Variants in CHM observed in about 807,000 individuals in gnomAD.
CHM encodes the protein rab proteins geranylgeranyltransferase component A 1.
A neutral mutation model predicts 49.0 loss-of-function variants in CHM; 10 were observed. The ratio of observed to expected loss-of-function variants is 0.20; its 90% CI spans 0.13 to 0.35. The LOEUF (loss-of-function observed/expected upper bound fraction) is 0.35, where lower values mean the gene tolerates loss of function less well. Ranked by LOEUF, CHM falls within the 10% of genes least tolerant of loss-of-function variation. CHM has a pLI of 1.00. For synonymous variants in CHM, 184 were observed against 167.5 expected (o/e 1.10, Z -0.76); for missense variants, 455 against 478.4 (o/e 0.95, Z 0.46).
chrX:86,002,457 CCT>C (rs762975293), intron 2 of CHM, among the ~76,000 whole-genome samples: 8 of 111,977 alleles, frequency 7.1e-5, no homozygotes, highest in Non-Finnish European at 1.5e-4. Context: ...AATAGGAACA[CCT>C]CTGGTCTGCA....
At chrX:86,007,634 C>A (rs751328263) in intron 2 of CHM, among the ~76,000 whole-genome samples, 2 of 112,322 alleles carry the variant, frequency 1.8e-5, no homozygotes, top group Non-Finnish European at 3.8e-5. Context: ...GACATCTATG[C>A]AGCCAATAAA....
intron 11 of CHM, 92 bp from the exon 12 acceptor site, chrX:85,894,376 T>A: frequency 3.1e-6 from 2 of 641,992 alleles, no homozygotes; most frequent in South Asian, 4.9e-5. Flanking sequence ...AAACTGAGTA[T>A]CTTTTTCAAA....
At chrX:85,949,335 G>GA (rs1474098420) in intron 8 of CHM, among the ~76,000 whole-genome samples, 2 of 111,697 alleles carry the variant, frequency 1.8e-5, no homozygotes, top group Admixed American at 9.5e-5. Flanking sequence ...GGATTTAGTG[G>GA]AAAAAAGAGA....
chrX:86,002,302 C>T (rs1932757535), intron 2 of CHM, among the ~76,000 whole-genome samples: 1 of 112,001 alleles, frequency 8.9e-6, no homozygotes, highest in South Asian at 3.7e-4. Context: ...ATGGACTCTT[C>T]ACATTTGTTT....
intron 2 of CHM, among the ~76,000 whole-genome samples, chrX:86,003,811 G>A (rs944693956): frequency 6.2e-5 from 7 of 112,030 alleles, no homozygotes; most frequent in Admixed American, 9.5e-5. Context: ...GTGATGGGGA[G>A]AATGGAAACA....
chrX:85,958,051 C>G, intron 6 of CHM, 76 bp from the exon 7 acceptor site: 1 of 1,126,858 alleles, frequency 8.9e-7, no homozygotes, highest in South Asian at 1.9e-5. Context: ...CTTTTTTCCC[C>G]TTTACATATA....
intron 1 of CHM, among the ~76,000 whole-genome samples, chrX:86,044,652 C>T (rs948698769): frequency 6.3e-5 from 7 of 111,626 alleles, no homozygotes; most frequent in African/African-American, 2.3e-4. Context: ...ACCAATGGTA[C>T]TTGTCTATAA....
At chrX:86,025,377 T>A (rs1011805761) in intron 2 of CHM, among the ~76,000 whole-genome samples, 1 of 111,275 alleles carries the variant, frequency 9.0e-6, no homozygotes, top group Non-Finnish European at 1.9e-5. Flanking sequence ...TGGGAAGACC[T>A]CATGTTCTGG....
At chrX:85,873,383 GTTAA>G (rs1389291219) in intron 13 of CHM, among the ~76,000 whole-genome samples, 171 bp from the exon 14 acceptor site, 2 of 111,532 alleles carry the variant, frequency 1.8e-5, no homozygotes, top group African/African-American at 6.5e-5. Flanking sequence ...TGATTAGTAA[GTTAA>G]TTAGATTTTA....
At chrX:85,885,927 G>A (rs762099617) in intron 12 of CHM, among the ~76,000 whole-genome samples, 3 of 111,431 alleles carry the variant, frequency 2.7e-5, no homozygotes, top group Admixed American at 9.5e-5. Flanking sequence ...TCCATTTAGA[G>A]TTAATGATTT....
At chrX:85,978,019 A>G (rs1931375078) in intron 4 of CHM, among the ~76,000 whole-genome samples, 1 of 112,004 alleles carries the variant, frequency 8.9e-6, no homozygotes, top group Non-Finnish European at 1.9e-5. Context: ...TTTAATTACT[A>G]TTAAAGTGCC....
intron 8 of CHM, among the ~76,000 whole-genome samples, chrX:85,931,669 C>T (rs1017417793): frequency 9.0e-6 from 1 of 110,757 alleles, no homozygotes; most frequent in Admixed American, 9.7e-5. Flanking sequence ...GTATTGTACC[C>T]CAATCCCATA....
chrX:85,912,752 C>A (rs1927106458), intron 8 of CHM, among the ~76,000 whole-genome samples: 1 of 111,352 alleles, frequency 9.0e-6, no homozygotes, highest in Non-Finnish European at 1.9e-5. Context: ...GAGGCTCACA[C>A]CTGTAATCCC....
intron 9 of CHM, among the ~76,000 whole-genome samples, chrX:85,908,566 T>G (rs1424704623): frequency 4.5e-5 from 5 of 111,844 alleles, no homozygotes; most frequent in African/African-American, 1.6e-4. Context: ...ATAGTGAGAA[T>G]ATTGTAGATG....
chrX:85,867,362 C>A (rs985410592), intron 14 of CHM, among the ~76,000 whole-genome samples: 1 of 111,661 alleles, frequency 9.0e-6, no homozygotes, highest in Non-Finnish European at 1.9e-5. Flanking sequence ...CTTAGGCCTC[C>A]CCAGCTATGA....
chrX:86,013,105 C>A (rs1933143927), intron 2 of CHM, among the ~76,000 whole-genome samples: 1 of 111,778 alleles, frequency 8.9e-6, no homozygotes. Context: ...CCATAAAAAA[C>A]CCCGGACACA....
chrX:86,017,131 C>T (rs778397216), intron 2 of CHM, among the ~76,000 whole-genome samples: 1 of 112,562 alleles, frequency 8.9e-6, no homozygotes, highest in South Asian at 3.7e-4. Flanking sequence ...ACCTGTACCC[C>T]TATTGTATCT....
At chrX:86,026,102 CTTTTTTTTTTTTTTTTTTTTTTT>C (rs1167691945) in intron 2 of CHM, among the ~76,000 whole-genome samples, 12 of 26,761 alleles carry the variant, frequency 4.5e-4, no homozygotes, top group Middle Eastern at 0.037. Context: ...AGCAGATTTT[CTTTTTTTTTTTTTTTTTTTTTTT>C]TTTTTTTTTT....
intron 2 of CHM, chrX:86,026,888 A>G (rs1933847112): frequency 8.9e-6 from 1 of 112,275 alleles, no homozygotes; most frequent in Non-Finnish European, 1.9e-5. Context: ...TAGGTGGGAG[A>G]TTAGGGGTTT....
Sources: allele counts gnomAD v4.1 joint callset (sites outside exome capture counted in the v4.1 genomes callset), GRCh38; gene constraint gnomAD v4.1.1; transcripts MANE v1.5; gene names NCBI Gene and HGNC (gene_info 2026-07-23, HGNC 2026-07-21).